MBNL1: variants seen among roughly 807,000 people sequenced by gnomAD.
The protein encoded by MBNL1 is muscleblind-like protein 1.
A neutral mutation model predicts 42.2 loss-of-function variants in MBNL1; 8 were observed. That is an observed-to-expected ratio of 0.19 (90% CI 0.11 to 0.34). The LOEUF (loss-of-function observed/expected upper bound fraction) is 0.34, where lower values mean the gene tolerates loss of function less well. Ranked by LOEUF, MBNL1 falls within the 10% of genes least tolerant of loss-of-function variation. The pLI, the probability that MBNL1 is intolerant of heterozygous loss-of-function variation, is 1.00. For missense variants in MBNL1, 309 were observed against 495.3 expected (o/e 0.62, Z 3.57); for synonymous variants, 169 against 173.9 (o/e 0.97, Z 0.22).
intron 9 of MBNL1, among the ~76,000 whole-genome samples, chr3:152,459,856 G>A (rs1365367072): frequency 1.4e-5 from 2 of 146,046 alleles, no homozygotes; most frequent in Non-Finnish European, 3.0e-5. Context: ...GACCTCTGGT[G>A]TAGATTATCA....
At chr3:152,398,626 T>G (rs1366510358) in intron 2 of MBNL1, among the ~76,000 whole-genome samples, 1 of 152,184 alleles carries the variant, frequency 6.6e-6, no homozygotes, top group Non-Finnish European at 1.5e-5. Context: ...ACTGTTAACA[T>G]AATTACTTAA....
chr3:152,373,975 C>A (rs1041171205), intron 2 of MBNL1, among the ~76,000 whole-genome samples: 2 of 152,122 alleles, frequency 1.3e-5, no homozygotes, highest in East Asian at 1.9e-4. Context: ...TCTATCTTCT[C>A]ACTTTTTTGG....
chr3:152,280,869 CTTA>C lies in MBNL1; in HGVS notation c.-790+11786_-790+11788del, dbSNP rs1246661568. ...GTTTAGAAAATTCAGGATTTTATTG[CTTA>C]TTATTATTCATTTTTATTCATAAAT... On this transcript the variant is annotated intron_variant, in intron 1 of 9. Transcript: ENST00000324210. 4.6e-5 allele frequency among the ~76,000 whole-genome samples: 7 copies of C among 151,988 alleles called. No homozygotes were observed. In the East Asian group the frequency reaches 1.3e-3, roughly 29 times the overall value.
At chr3:152,321,016 C>G (rs1399718373) in intron 2 of MBNL1, among the ~76,000 whole-genome samples, 2 of 152,064 alleles carry the variant, frequency 1.3e-5, no homozygotes, top group African/African-American at 2.4e-5. Context: ...AAGTATGTCT[C>G]TAGACTCTGC....
At chr3:152,425,309 T>C (rs1419085879) in intron 3 of MBNL1, among the ~76,000 whole-genome samples, 2 of 151,662 alleles carry the variant, frequency 1.3e-5, no homozygotes, top group Admixed American at 1.3e-4. Flanking sequence ...AAAAAGCTCA[T>C]CATCGGTGGT....
At chr3:152,268,268 T>C (rs1238308125), upstream of MBNL1, 3 of 162,770 alleles carry the variant, frequency 1.8e-5, no homozygotes. Flanking sequence ...CATGTGTTTG[T>C]GCCTGTGTGA....
chr3:152,441,832 G>T (rs1288961703), intron 4 of MBNL1, among the ~76,000 whole-genome samples: 2 of 152,096 alleles, frequency 1.3e-5, no homozygotes, highest in Non-Finnish European at 2.9e-5. Context: ...TTGCTCTGTT[G>T]CCCAGGCTGG....
Position 152,445,350 on chromosome 3 carries a change from T to G in MBNL1, c.618T>G (p.Ala206=). The change falls in exon 5 of 10, where the codon GCT becomes GCG. Residue 206 remains alanine, a synonymous_variant. Coordinates refer to ENST00000324210, the MANE Select transcript of MBNL1 (RefSeq NM_021038.5). The part of the protein sequence containing the change: ...GENDCRFAHP[A]DSTMIDTNDN... ...ATGATTGTCGGTTTGCTCATCCTGCTGACAGCACAATGATTGACACCAATG... is the reference window on the plus strand; with the variant it reads ...ATGATTGTCGGTTTGCTCATCCTGCGGACAGCACAATGATTGACACCAATG... The G allele has an allele frequency of 1.2e-6, 2 of 1,614,140 alleles. No homozygotes were observed. Among genetic ancestry groups the G allele is most frequent in the Non-Finnish European group, 1.7e-6 (2 of 1,179,982 alleles).
intron 2 of MBNL1, among the ~76,000 whole-genome samples, chr3:152,389,648 CAT>C (rs1339677760): frequency 6.6e-6 from 1 of 151,978 alleles, no homozygotes; most frequent in African/African-American, 2.4e-5. Flanking sequence ...GCACAGTAAA[CAT>C]ATGGTATGAG....
chr3:152,406,229 T>TA (rs1323893577), intron 2 of MBNL1, among the ~76,000 whole-genome samples: 4 of 152,156 alleles, frequency 2.6e-5, no homozygotes, highest in Non-Finnish European at 5.9e-5. Context: ...GTGATACACT[T>TA]TTCTAAGATT....
At chr3:152,441,189 C>T (rs767034723) in intron 4 of MBNL1, among the ~76,000 whole-genome samples, 3 of 152,100 alleles carry the variant, frequency 2.0e-5, no homozygotes, top group Non-Finnish European at 4.4e-5. Context: ...TGAATAAATT[C>T]AAATATTGAC....
intron 1 of MBNL1, among the ~76,000 whole-genome samples, chr3:152,295,510 G>A (rs1001773873): frequency 6.6e-5 from 10 of 152,126 alleles, no homozygotes; most frequent in African/African-American, 1.9e-4. Flanking sequence ...TGTGAATGAA[G>A]TTTACTCATT....
intron 2 of MBNL1, among the ~76,000 whole-genome samples, chr3:152,361,218 A>G (rs546584687): frequency 1.3e-5 from 2 of 152,174 alleles, no homozygotes; most frequent in Admixed American, 1.3e-4. Context: ...CTGTGGGTAT[A>G]CATTTGAGGC....
At chr3:152,425,579 G>A (rs1254906451) in intron 3 of MBNL1, among the ~76,000 whole-genome samples, 1 of 151,566 alleles carries the variant, frequency 6.6e-6, no homozygotes, top group African/African-American at 2.4e-5. Context: ...CTGCACTCCA[G>A]CCTGGGTAAC....
At chr3:152,310,956 A>G (rs1229426338) in intron 2 of MBNL1, among the ~76,000 whole-genome samples, 1 of 151,640 alleles carries the variant, frequency 6.6e-6, no homozygotes, top group East Asian at 1.9e-4. Context: ...TTTAAATCAC[A>G]AAAGTAGTAT....
intron 2 of MBNL1, among the ~76,000 whole-genome samples, chr3:152,373,078 CAGA>C (rs2096742198): frequency 2.0e-5 from 3 of 152,122 alleles, no homozygotes; most frequent in Non-Finnish European, 4.4e-5. Context: ...TCGAACTTCC[CAGA>C]AGCTTTGTTT....
intron 3 of MBNL1, among the ~76,000 whole-genome samples, chr3:152,428,573 A>T (rs969047441): frequency 6.6e-6 from 1 of 152,224 alleles, no homozygotes; most frequent in Non-Finnish European, 1.5e-5. Flanking sequence ...CCATGTTTAA[A>T]AGAAAAGAGC....
intron 2 of MBNL1, among the ~76,000 whole-genome samples, chr3:152,352,782 A>G (rs1045280915): frequency 1.3e-5 from 2 of 152,168 alleles, no homozygotes; most frequent in Non-Finnish European, 2.9e-5. Flanking sequence ...GATGCAGCAG[A>G]GACACATCAT....
In MBNL1 at chr3:152,400,998, T is replaced by G. The variant is rs574947491; in HGVS notation, c.175-13943T>G. 1.2e-4 allele frequency among the ~76,000 whole-genome samples: 19 copies of G among 152,264 alleles called. No homozygotes were observed. In the East Asian group the frequency reaches 3.3e-3, roughly 26 times the overall value. ...CTGGGGAGCCTTTAAAATACACTTA[T>G]GCCTGGGACCCAGCCAAAACTATCT... On this transcript the variant is annotated intron_variant, in intron 2 of 9. Transcript: ENST00000324210.
Sources: gnomAD v4.1 joint callset for allele counts (sites outside exome capture counted in the v4.1 genomes callset) on GRCh38, gnomAD v4.1.1 for gene constraint, MANE v1.5 for transcripts, NCBI Gene and HGNC (gene_info 2026-07-23, HGNC 2026-07-21) for gene names.